ESAM: variants seen among roughly 807,000 people sequenced by gnomAD.
ESAM encodes endothelial cell adhesion molecule.
Under a neutral mutation model 31.8 loss-of-function variants are expected in ESAM, and 23 were observed. The ratio of observed to expected loss-of-function variants is 0.72; its 90% CI spans 0.52 to 1.03. The LOEUF (loss-of-function observed/expected upper bound fraction) is 1.03. Among genes scored for constraint, ESAM ranks in the 50% least tolerant of loss-of-function variants. ESAM has a pLI of 0.00. For synonymous variants in ESAM, 216 were observed against 207.2 expected, an observed-to-expected ratio of 1.04 and a Z score of -0.37; for missense variants, 478 against 488.9, an observed-to-expected ratio of 0.98 and a Z score of 0.21.
Position 124,754,185 on chromosome 11 carries a change from C to A in ESAM, c.857+29G>T. 1 of 1,607,990 alleles carries A rather than the reference C, an allele frequency of 6.2e-7. No homozygotes were observed. The highest frequency in any genetic ancestry group is 1.1e-5 in the South Asian group (1 of 90,108). ...TCTGTGAGGAGAGCTGGGAGAGCCC[C>A]CGCTGCAGCAGACACCAGGGACACT... On this transcript the variant is annotated intron_variant, in intron 6 of 6. Coordinates refer to ENST00000278927, the MANE Select transcript of ESAM (RefSeq NM_138961.3). This position sits in a 1 kb window ranked among gnomAD's most constrained non-coding sequence, Gnocchi z 4.5.
rs1352575843 is a variant in ESAM at position 124,756,343 on chromosome 11, G to T, written c.471C>A (p.Ser157=). The change falls in exon 4 of 7, where the codon TCC becomes TCA. Residue 157 remains serine (S), a synonymous_variant. Transcript: ENST00000278927. The part of the protein sequence containing the change: ...LNVLVPPAPP[S]CRLQGVPHVG... ...CATGGGGCACACCCTGGAGACGGCA[G>T]GATGGAGGAGCTGGAGGAACTGGGC... The T allele has an allele frequency of 1.2e-6, 2 of 1,606,966 alleles. No homozygotes were observed. The highest frequency in any genetic ancestry group is 1.7e-5 in the Admixed American group (1 of 58,496).
chr11:124,757,469 A>C (rs1944169573), intron 2 of ESAM: 1 of 152,294 alleles, frequency 6.6e-6, no homozygotes, highest in South Asian at 2.1e-4. Context: ...CACAGTTTTC[A>C]GGGGTTCTGA....
rs1263758374 is a variant in ESAM, at chr11:124,754,575, C to T, written c.730+66G>A. On this transcript the variant is annotated intron_variant, in intron 5 of 6. Coordinates refer to ENST00000278927, the MANE Select transcript of ESAM (RefSeq NM_138961.3). This position sits in a 1 kb window ranked among gnomAD's most constrained non-coding sequence, Gnocchi z 4.5. ...AGACAGGCCTCAGCAGACAGGCCTC[C>T]TCCCCACTTGCAACCCCTCCCCCAC... 6.4e-7 allele frequency: 1 copy of T among 1,566,382 alleles called. No homozygotes were observed.
intron 1 of ESAM, among the ~76,000 whole-genome samples, chr11:124,761,365 G>A (rs1439875490): frequency 5.3e-5 from 8 of 152,158 alleles, no homozygotes; most frequent in Admixed American, 3.9e-4. Flanking sequence ...TTGCTCCAAG[G>A]AGGTTCCCTT....
At position 124,754,023 on chromosome 11, in the gene ESAM, A is replaced by G. The variant is rs1230991797; in HGVS notation, c.858-62T>C. ...GTGGGGGAAGGAGGAGAGAGTTTCT[A>G]CCTGCTTGGTCTTATATACCACCTC... On this transcript the variant is annotated intron_variant, in intron 6 of 6. Transcript: ENST00000278927. This position sits in a 1 kb window ranked among gnomAD's most constrained non-coding sequence, Gnocchi z 4.5. 3 of 1,586,552 alleles carry G rather than the reference A, an allele frequency of 1.9e-6. No individual in the cohort carries two copies. Among genetic ancestry groups the G allele is most frequent in the Non-Finnish European group, 2.6e-6 (3 of 1,164,882 alleles).
chr11:124,756,764 C>T (rs1406972998), intron 2 of ESAM, 22 bp from the exon 3 acceptor site: 7 of 1,612,036 alleles, frequency 4.3e-6, no homozygotes, highest in Non-Finnish European at 5.9e-6. Context: ...CATAACACAT[C>T]CCCGTCATTA....
chr11:124,757,918 C>T (rs757427477), intron 2 of ESAM, among the ~76,000 whole-genome samples: 22 of 152,020 alleles, frequency 1.4e-4, no homozygotes, highest in Admixed American at 1.3e-3. Context: ...AGGCTGCTCT[C>T]GAACTCTTGG....
In ESAM at chr11:124,762,131, C is replaced by T; in HGVS notation, c.24G>A (p.Leu8=). Residue 8 remains leucine (L), a synonymous_variant, in exon 1 of 7, where the codon CTG becomes CTA. Coordinates refer to ENST00000278927, the MANE Select transcript of ESAM (RefSeq NM_138961.3). This position sits in a 1 kb window ranked among gnomAD's most constrained non-coding sequence, Gnocchi z 6.4. ...ACAAAAACCGCAGCAAGTTGGTCAC[C>T]AGGGGCCCCGGGAGGGAAATCATGG... MISLPGP[L]VTNLLRFLFL... 1 of 1,609,590 alleles carries T rather than the reference C, an allele frequency of 6.2e-7. No homozygotes were observed. Among genetic ancestry groups the T allele is most frequent in the South Asian group, 1.1e-5 (1 of 90,900 alleles).
At chr11:124,758,617 G>T in intron 1 of ESAM, 90 bp from the exon 2 acceptor site, 1 of 1,398,454 alleles carries the variant, frequency 7.2e-7, no homozygotes, top group East Asian at 2.6e-5. Flanking sequence ...AGAGAGCGAG[G>T]AAAGTCGCTT....
At chr11:124,756,870 G>T in intron 2 of ESAM, 128 bp from the exon 3 acceptor site, 1 of 951,898 alleles carries the variant, frequency 1.1e-6, no homozygotes, top group Non-Finnish European at 1.6e-6. Context: ...CTTCTAACCT[G>T]AACCAGCTCC....
In ESAM at chr11:124,762,213, G is replaced by A; in HGVS notation, c.-59C>T. 1 of 1,395,592 alleles carries A rather than the reference G, an allele frequency of 7.2e-7. No individual in the cohort carries two copies. The highest frequency in any genetic ancestry group is 9.7e-7 in the Non-Finnish European group (1 of 1,031,072). 86.5% of individuals were successfully genotyped at this position (1,395,592 alleles called of 1,614,324 possible). On this transcript the variant is annotated 5_prime_UTR_variant, in exon 1 of 7. Transcript: ENST00000278927. This position sits in a 1 kb window ranked among gnomAD's most constrained non-coding sequence, Gnocchi z 6.4. ...CAGCCGCGGGACGCACGGACCTGCA[G>A]GTGCCGAGGCTGCGCGACGGCCGGA...
chr11:124,754,009 A>T lies in ESAM; in HGVS notation c.858-48T>A. 1 of 1,599,480 alleles carries T rather than the reference A, an allele frequency of 6.3e-7. No homozygotes were observed. The highest frequency in any genetic ancestry group is 8.5e-7 in the Non-Finnish European group (1 of 1,172,810). On this transcript the variant is annotated intron_variant, in intron 6 of 6. Coordinates refer to ENST00000278927, the MANE Select transcript of ESAM (RefSeq NM_138961.3). This position sits in a 1 kb window ranked among gnomAD's most constrained non-coding sequence, Gnocchi z 4.5. The stretch of plus-strand genomic sequence containing the variant: ...GAGGTCAGAAGTGGGTGGGGGAAGG[A>T]GGAGAGAGTTTCTACCTGCTTGGTC...
chr11:124,755,109 G>A (rs895996918), intron 4 of ESAM, among the ~76,000 whole-genome samples: 1 of 152,162 alleles, frequency 6.6e-6, no homozygotes, highest in Non-Finnish European at 1.5e-5. Flanking sequence ...GTAAACGTGG[G>A]TTCCAGAACA....
intron 4 of ESAM, among the ~76,000 whole-genome samples, chr11:124,755,576 T>G (rs1944142628): frequency 6.6e-6 from 1 of 152,112 alleles, no homozygotes; most frequent in African/African-American, 2.4e-5. Flanking sequence ...ATAAAAATGG[T>G]CATGTGAAAA....
Position 124,754,271 on chromosome 11 carries a change from A to G in ESAM, c.800T>C (p.Leu267Pro), listed in dbSNP as rs1406509767. ...TLVGLGLLAG[L>P]VLLYHRRGKA... Reference sequence around the variant, plus strand: ...GCCCCGGCGGTGGTACAAGAGGACCAGCCCAGCCAGCAACCCCAGTCCAAC... The same window carrying G: ...GCCCCGGCGGTGGTACAAGAGGACCGGCCCAGCCAGCAACCCCAGTCCAAC... Residue 267 changes from leucine to proline, a missense_variant, in exon 6 of 7, where the codon CTG (leucine) becomes CCG (proline). Physicochemically the swap from Leu to Pro is moderately conservative, Grantham distance 98. Coordinates refer to ENST00000278927, the MANE Select transcript of ESAM (RefSeq NM_138961.3). This position sits in a 1 kb window ranked among gnomAD's most constrained non-coding sequence, Gnocchi z 4.5. 3 of 1,613,912 alleles carry G rather than the reference A, an allele frequency of 1.9e-6. No homozygotes were observed. In the East Asian group the frequency reaches 6.7e-5, roughly 36 times the overall value.
At position 124,756,234 on chromosome 11, in the gene ESAM, A is replaced by G; in HGVS notation, c.580T>C (p.Phe194Leu). 6.2e-7 allele frequency: 1 copy of G among 1,614,088 alleles called. No individual in the cohort carries two copies. Among genetic ancestry groups the G allele is most frequent in the East Asian group, 2.2e-5 (1 of 44,890 alleles). Residue 194 changes from phenylalanine to leucine, a missense_variant, in exon 4 of 7, where the codon TTC (phenylalanine) becomes CTC (leucine). Physicochemically the swap from Phe to Leu is conservative, Grantham distance 22. Transcript: ENST00000278927. ...QYQWDRQLPS[F>L]QTFFAPALDV... ...AATGCTGGTGCAAAGAAAGTCTGGA[A>G]GGATGGAAGCTGCCGATCCCACTGG...
chr11:124,757,063 A>C, intron 2 of ESAM: 1 of 276,256 alleles, frequency 3.6e-6, no homozygotes, highest in East Asian at 8.0e-5. Flanking sequence ...GCTGGGGTGG[A>C]TCCAGGTTTG....
chr11:124,756,201 C>T lies in ESAM; in HGVS notation c.607+6G>A, dbSNP rs1944151486. ...CAGTGTCCACTGTTTCCAGTAGTGTCCTCACCTAATGCTGGTGCAAAGAAA... is the reference window on the plus strand; with the variant it reads ...CAGTGTCCACTGTTTCCAGTAGTGTTCTCACCTAATGCTGGTGCAAAGAAA... On this transcript the variant is annotated splice_donor_region_variant and intron_variant, in intron 4 of 6. Coordinates refer to ENST00000278927, the MANE Select transcript of ESAM (RefSeq NM_138961.3). 3 of 1,613,168 alleles carry T rather than the reference C, an allele frequency of 1.9e-6. No individual in the cohort carries two copies. The highest frequency in any genetic ancestry group is 1.1e-5 in the South Asian group (1 of 91,014).
rs1279285855 is a variant in ESAM at position 124,754,462 on chromosome 11, G to C, written c.731-122C>G. On this transcript the variant is annotated intron_variant, in intron 5 of 6. Coordinates refer to ENST00000278927, the MANE Select transcript of ESAM (RefSeq NM_138961.3). The surrounding 1 kb of genome is among the most constrained non-coding windows in gnomAD (Gnocchi z 4.5). ...TCCCTCTTTTTCCCTGTCAAGAAGAGGGGTGGCTGTTGAGCAGGAAATGAC... is the reference window on the plus strand; with the variant it reads ...TCCCTCTTTTTCCCTGTCAAGAAGACGGGTGGCTGTTGAGCAGGAAATGAC... The C allele has an allele frequency of 6.6e-7, 1 of 1,505,266 alleles. No homozygotes were observed. Among genetic ancestry groups the C allele is most frequent in the Non-Finnish European group, 8.9e-7 (1 of 1,121,430 alleles). The allele number at this position is 1,505,266 out of a possible 1,614,324, so 93.2% of individuals were successfully genotyped here. A position where few individuals can be genotyped will look rare whatever the true frequency, so the allele number is the denominator to read the frequency against.
Sources: gnomAD v4.1 joint callset for allele counts (sites outside exome capture counted in the v4.1 genomes callset) on GRCh38, gnomAD v4.1.1 for gene constraint, Gnocchi (gnomAD v3.1) non-coding constraint, MANE v1.5 for transcripts, NCBI Gene and HGNC (gene_info 2026-07-23, HGNC 2026-07-21) for gene names.